PRKN: variants seen among roughly 807,000 people sequenced by gnomAD.
PRKN encodes the protein E3 ubiquitin-protein ligase parkin.
Under a neutral mutation model 59.5 loss-of-function variants are expected in PRKN, and 56 were observed. That is an observed-to-expected ratio of 0.94 (90% CI 0.76 to 1.18). The LOEUF (loss-of-function observed/expected upper bound fraction) is 1.18. PRKN is among the 50% of genes most tolerant of loss of function. The pLI is 0.00. For missense variants in PRKN, 657 were observed against 596.4 expected, an observed-to-expected ratio of 1.10 and a Z score of -1.06; for synonymous variants, 250 against 222.1, an observed-to-expected ratio of 1.13 and a Z score of -1.12.
chr6:162,269,493 C>T (rs1321683403), intron 2 of PRKN: 1 of 152,150 alleles, frequency 6.6e-6, no homozygotes, highest in African/African-American at 2.4e-5. Flanking sequence ...TTCAAACATC[C>T]CACCTTGGAT....
intron 9 of PRKN, among the ~76,000 whole-genome samples, chr6:161,453,720 T>TCCCC (rs1789842888): frequency 2.4e-5 from 2 of 85,082 alleles, no homozygotes; most frequent in African/African-American, 9.5e-5. Context: ...GGTCCATCCC[T>TCCCC]CCCTCCCTCC....
At chr6:162,666,540 G>A (rs1779112420) in intron 1 of PRKN, among the ~76,000 whole-genome samples, 1 of 152,072 alleles carries the variant, frequency 6.6e-6, no homozygotes, top group African/African-American at 2.4e-5. Context: ...GAAAAGCAGA[G>A]AAAATAAGAA....
At chr6:161,746,638 A>ATC (rs1366531002) in intron 7 of PRKN, among the ~76,000 whole-genome samples, 1 of 146,732 alleles carries the variant, frequency 6.8e-6, no homozygotes, top group Non-Finnish European at 1.5e-5. Flanking sequence ...ATATATGTAT[A>ATC]TATGTATATA....
chr6:161,415,120 T>TAACTC (rs1382537223), intron 9 of PRKN, among the ~76,000 whole-genome samples: 6 of 152,104 alleles, frequency 3.9e-5, no homozygotes, highest in African/African-American at 9.7e-5. Context: ...AGAACATGGC[T>TAACTC]AACTCAACAG....
Position 161,582,413 on chromosome 6 carries a change from C to CTATTATTAT in PRKN, c.872-13006_872-12998dup, listed in dbSNP as rs3032927. On this transcript the variant is annotated intron_variant, in intron 7 of 11. Transcript: ENST00000366898. The surrounding 1 kb of genome is among the most constrained non-coding windows in gnomAD (Gnocchi z 4.4). The stretch of plus-strand genomic sequence containing the variant: ...AACTAGGAAAGACTGCATCTGCAGA[C>CTATTATTAT]TATTATTATTATTATTATTATTATT... Among the ~76,000 whole-genome samples, 2,291 of 146,196 alleles carry CTATTATTAT rather than the reference C, an allele frequency of 0.016. 45 individuals are homozygous for CTATTATTAT. Among genetic ancestry groups the CTATTATTAT allele is most frequent in the African/African-American group, 0.045 (1,796 of 39,596 alleles).
At chr6:161,991,987 G>A (rs1021960441) in intron 5 of PRKN, among the ~76,000 whole-genome samples, 6 of 152,006 alleles carry the variant, frequency 3.9e-5, no homozygotes, top group African/African-American at 1.4e-4. Flanking sequence ...AACCAAAAGT[G>A]GACAATAGTA....
chr6:162,054,072 A>C lies in PRKN; in HGVS notation c.618+19T>G. The stretch of plus-strand genomic sequence containing the variant: ...TCATTTTCTTGCAATAAGAGGAATG[A>C]ATGTGACCAGGTACTTACTGCACTA... On this transcript the variant is annotated intron_variant, in intron 5 of 11. Transcript: ENST00000366898. 6.7e-7 allele frequency: 1 copy of C among 1,494,262 alleles called. No homozygotes were observed. The highest frequency in any genetic ancestry group is 1.1e-5 in the South Asian group (1 of 88,760). The allele number at this position is 1,494,262 out of a possible 1,614,324, so 92.6% of individuals were successfully genotyped here. A position where few individuals can be genotyped will look rare whatever the true frequency, so the allele number is the denominator to read the frequency against.
In PRKN at chr6:161,575,538, A is replaced by G. The variant is rs759366616; in HGVS notation, c.872-6122T>C. Reference sequence around the variant, plus strand: ...ATTTGGAAAATATATTCCATTGAGAAGCATTAAAAACCACATGAGTCTTCG... The same window carrying G: ...ATTTGGAAAATATATTCCATTGAGAGGCATTAAAAACCACATGAGTCTTCG... On this transcript the variant is annotated intron_variant, in intron 7 of 11. Coordinates refer to ENST00000366898, the MANE Select transcript of PRKN (RefSeq NM_004562.3). The surrounding 1 kb of genome is among the most constrained non-coding windows in gnomAD (Gnocchi z 4.6). Among the ~76,000 whole-genome samples the G allele has an allele frequency of 6.6e-6, 1 of 152,238 alleles. No individual in the cohort carries two copies. Among genetic ancestry groups the G allele is most frequent in the Non-Finnish European group, 1.5e-5 (1 of 68,044 alleles).
chr6:161,902,155 G>A (rs1346507455), intron 6 of PRKN, among the ~76,000 whole-genome samples: 1 of 152,084 alleles, frequency 6.6e-6, no homozygotes, highest in East Asian at 1.9e-4. Context: ...TTTCCCTAAA[G>A]ACCCTGGCTG....
chr6:162,027,630 C>T (rs562873061), intron 5 of PRKN, among the ~76,000 whole-genome samples: 25 of 152,220 alleles, frequency 1.6e-4, no homozygotes, highest in African/African-American at 6.0e-4. Flanking sequence ...GTTAACCACG[C>T]CCAAATTTGT....
In PRKN at chr6:161,372,653, G is replaced by T. The variant is rs1205841198; in HGVS notation, c.1168-12448C>A. 6.6e-6 allele frequency among the ~76,000 whole-genome samples: 1 copy of T among 152,044 alleles called. No individual in the cohort carries two copies. Among genetic ancestry groups the T allele is most frequent in the Non-Finnish European group, 1.5e-5 (1 of 68,026 alleles). ...CGGCACCGGAAGCGCTTGTGCTGTG[G>T]CTCCCCCACTACCCCTCTGGGTCTG... On this transcript the variant is annotated intron_variant, in intron 10 of 11. Coordinates refer to ENST00000366898, the MANE Select transcript of PRKN (RefSeq NM_004562.3). This position sits in a 1 kb window ranked among gnomAD's most constrained non-coding sequence, Gnocchi z 4.2.
intron 3 of PRKN, among the ~76,000 whole-genome samples, chr6:162,209,599 A>C (rs978375099): frequency 6.6e-6 from 1 of 152,172 alleles, no homozygotes; most frequent in Non-Finnish European, 1.5e-5. Context: ...CCATGCCATT[A>C]CTGGGTATAT....
At chr6:162,542,198 A>T (rs541569688) in intron 1 of PRKN, among the ~76,000 whole-genome samples, 1 of 152,302 alleles carries the variant, frequency 6.6e-6, no homozygotes, top group East Asian at 1.9e-4. Context: ...TTAGTATTTC[A>T]TCTCTTTTCC....
intron 4 of PRKN, among the ~76,000 whole-genome samples, chr6:162,077,725 C>T (rs1012155027): frequency 1.3e-5 from 2 of 151,862 alleles, no homozygotes; most frequent in African/African-American, 4.8e-5. Flanking sequence ...CATGGCTGGG[C>T]GCTGTGGCTC....
At chr6:162,580,995 T>A (rs2128211264) in intron 1 of PRKN, among the ~76,000 whole-genome samples, 1 of 152,256 alleles carries the variant, frequency 6.6e-6, no homozygotes, top group East Asian at 1.9e-4. Context: ...TATCCCAGGC[T>A]CCTCGGGTAC....
chr6:162,068,134 C>T (rs899936761), intron 4 of PRKN, among the ~76,000 whole-genome samples: 2 of 152,112 alleles, frequency 1.3e-5, no homozygotes, highest in African/African-American at 2.4e-5. Flanking sequence ...GAAATGTGTA[C>T]GGACATACAT....
intron 3 of PRKN, among the ~76,000 whole-genome samples, chr6:162,236,003 AAG>A (rs1335831265): frequency 1.3e-5 from 2 of 150,292 alleles, no homozygotes; most frequent in African/African-American, 4.9e-5. Flanking sequence ...GAAAGAAAGA[AAG>A]AAAGAAAGAA....
At chr6:161,485,913 C>T (rs1290320716) in intron 9 of PRKN, among the ~76,000 whole-genome samples, 1 of 151,884 alleles carries the variant, frequency 6.6e-6, no homozygotes, top group Non-Finnish European at 1.5e-5. Flanking sequence ...GAATTTTAAA[C>T]ATATAAGTTT....
At chr6:161,883,130 A>G (rs1406284047) in intron 6 of PRKN, among the ~76,000 whole-genome samples, 1 of 152,208 alleles carries the variant, frequency 6.6e-6, no homozygotes, top group Non-Finnish European at 1.5e-5. Flanking sequence ...GAGGTAAGAG[A>G]GATAATAACA....
Sources: gnomAD v4.1 joint callset for allele counts (sites outside exome capture counted in the v4.1 genomes callset) on GRCh38, gnomAD v4.1.1 for gene constraint, Gnocchi (gnomAD v3.1) non-coding constraint, MANE v1.5 for transcripts, NCBI Gene and HGNC (gene_info 2026-07-23, HGNC 2026-07-21) for gene names.